The following MYOM1 variants were observed in gnomAD, a reference collection of about 807,000 sequenced individuals.
MYOM1 encodes the protein myomesin-1.
Under a neutral mutation model 205.3 loss-of-function variants are expected in MYOM1, and 164 were observed. The ratio of observed to expected loss-of-function variants is 0.80; its 90% confidence interval spans 0.70 to 0.91. The LOEUF (loss-of-function observed/expected upper bound fraction) is 0.91. Among genes scored for constraint, MYOM1 ranks in the 40% least tolerant of loss-of-function variants. The pLI is 0.00. For missense variants in MYOM1, 2,011 were observed against 2,127.3 expected (o/e 0.95, Z 1.08); for synonymous variants, 772 against 789.4 (o/e 0.98, Z 0.37).
intron 5 of MYOM1, among the ~76,000 whole-genome samples, chr18:3,181,081 C>T (rs2080723350): frequency 6.6e-6 from 1 of 152,098 alleles, no homozygotes; most frequent in Non-Finnish European, 1.5e-5. Flanking sequence ...AGCGTGCCAC[C>T]ACGTCCAGCT....
In MYOM1 at chr18:3,209,829, G is replaced by A. The variant is rs917227459; in HGVS notation, c.290+5105C>T. On this transcript the variant is annotated intron_variant, in intron 2 of 37. Coordinates refer to ENST00000356443, the MANE Select transcript of MYOM1 (RefSeq NM_003803.4). This position sits in a 1 kb window ranked among gnomAD's most constrained non-coding sequence, Gnocchi z 4.0. ...TCCCTGATCTCTCTTACCCTGCTCT[G>A]TTTCTTATTGTTTCTATAACATGTA... 1.3e-5 allele frequency among the ~76,000 whole-genome samples: 2 copies of A among 152,108 alleles called. No individual in the cohort carries two copies.
At chr18:3,191,257 A>G (rs1250007931) in intron 3 of MYOM1, among the ~76,000 whole-genome samples, 2 of 152,234 alleles carry the variant, frequency 1.3e-5, no homozygotes, top group African/African-American at 2.4e-5. Flanking sequence ...TTATTGGAAT[A>G]TAAGTGGAAA....
chr18:3,164,470 CT>C, intron 9 of MYOM1, 31 bp from the exon 10 acceptor site: 1 of 1,547,412 alleles, frequency 6.5e-7, no homozygotes, highest in Non-Finnish European at 8.7e-7. Flanking sequence ...AGCAAATTAA[CT>C]TATTTTTGTT....
chr18:3,114,720 C>A (rs1211470587), intron 21 of MYOM1, among the ~76,000 whole-genome samples: 1 of 151,738 alleles, frequency 6.6e-6, no homozygotes, highest in African/African-American at 2.4e-5. Flanking sequence ...TTGAATTTTT[C>A]ATTTAAATTG....
chr18:3,237,598 CAAAAAA>C, the MYOM1 span, among the ~76,000 whole-genome samples: 2 of 53,606 alleles, frequency 3.7e-5, no homozygotes, highest in African/African-American at 1.5e-4. Flanking sequence ...GACTCCGTCT[CAAAAAA>C]AAAAAAAAAA....
At chr18:3,085,313 A>ATG (rs1393069824) in intron 30 of MYOM1, among the ~76,000 whole-genome samples, 181 bp from the exon 31 acceptor site, 5 of 121,810 alleles carry the variant, frequency 4.1e-5, no homozygotes, top group African/African-American at 1.6e-4. Context: ...TGGAGTGCAG[A>ATG]TGTGTGATTA....
At chr18:3,187,028 G>A (rs1207857368) in intron 5 of MYOM1, among the ~76,000 whole-genome samples, 1 of 152,168 alleles carries the variant, frequency 6.6e-6, no homozygotes. Flanking sequence ...TGAGGCCTCA[G>A]CTCACATGAG....
Position 3,089,324 on chromosome 18 carries a change from T to C in MYOM1, c.4070-83A>G, listed in dbSNP as rs1040477700. ...GCTCACACTTAAGTCCTAAGGTGAT[T>C]TACATCTGAAGTCAGATTTTTAAAA... On this transcript the variant is annotated intron_variant, in intron 28 of 37. Coordinates refer to ENST00000356443, the MANE Select transcript of MYOM1 (RefSeq NM_003803.4). The C allele has an allele frequency of 1.4e-5, 15 of 1,109,720 alleles. No individual in the cohort carries two copies. The African/African-American group carries it at 2.2e-4, about 16-fold the overall frequency. 68.7% of individuals were successfully genotyped at this position (1,109,720 alleles called of 1,614,324 possible).
chr18:3,115,459 A>G (rs998911582), intron 21 of MYOM1, among the ~76,000 whole-genome samples: 1 of 152,158 alleles, frequency 6.6e-6, no homozygotes, highest in Non-Finnish European at 1.5e-5. Flanking sequence ...CTTTTTGGCC[A>G]GGTATACTTT....
the MYOM1 span, among the ~76,000 whole-genome samples, chr18:3,225,082 G>T: frequency 1.3e-5 from 2 of 152,128 alleles, no homozygotes; most frequent in Non-Finnish European, 2.9e-5. Flanking sequence ...CCACCTCCCG[G>T]GTTCACACCG....
chr18:3,160,315 G>A (rs1322234988), intron 10 of MYOM1, among the ~76,000 whole-genome samples: 1 of 152,062 alleles, frequency 6.6e-6, no homozygotes, highest in Non-Finnish European at 1.5e-5. Context: ...AGCCTCCTGA[G>A]TAGCTGGGAC....
chr18:3,154,866 T>G lies in MYOM1; in HGVS notation c.1643+81A>C, dbSNP rs1348832131. 3 of 1,459,376 alleles carry G rather than the reference T, an allele frequency of 2.1e-6. No individual in the cohort carries two copies. In the African/African-American group the frequency reaches 4.2e-5, roughly 21 times the overall value. 90.4% of individuals were successfully genotyped at this position (1,459,376 alleles called of 1,614,324 possible). On this transcript the variant is annotated intron_variant, in intron 11 of 37. Coordinates refer to ENST00000356443, the MANE Select transcript of MYOM1 (RefSeq NM_003803.4). The stretch of plus-strand genomic sequence containing the variant: ...AGAGGAAAGCCAGAAAAGAAAATAT[T>G]TCCACTAGAAATGATGGGAGAAATC...
rs2080513908 is a variant in MYOM1, at chr18:3,169,026, A to G, written c.1175-45T>C. 3.2e-6 allele frequency: 5 copies of G among 1,542,304 alleles called. No individual in the cohort carries two copies. The African/African-American group carries it at 5.5e-5, about 17-fold the overall frequency. On this transcript the variant is annotated intron_variant, in intron 8 of 37. Transcript: ENST00000356443. ...ATATCAGTAATTTTTTTCTTCATCA[A>G]AGAGACACAAGCATTTTAATAAGCA...
In MYOM1 at chr18:3,134,639, G is replaced by A. The variant is rs1298986113; in HGVS notation, c.2384+11C>T. 7 of 1,603,410 alleles carry A rather than the reference G, an allele frequency of 4.4e-6. No individual in the cohort carries two copies. Among genetic ancestry groups the A allele is most frequent in the African/African-American group, 1.3e-5 (1 of 74,718 alleles). ...AGGCCATTGCCCGCCCTGCACACCC[G>A]ACTGAGTTACCGTGAGCCCTTCACG... On this transcript the variant is annotated intron_variant, in intron 16 of 37. Coordinates refer to ENST00000356443, the MANE Select transcript of MYOM1 (RefSeq NM_003803.4).
chr18:3,136,285 G>A (rs570032765), intron 14 of MYOM1, among the ~76,000 whole-genome samples: 67 of 152,118 alleles, frequency 4.4e-4, no homozygotes, highest in African/African-American at 1.3e-3. Context: ...CTAATACAGC[G>A]TTGTATTGTT....
chr18:3,124,832 C>CA (rs1433227684), intron 19 of MYOM1, among the ~76,000 whole-genome samples: 1 of 152,012 alleles, frequency 6.6e-6, no homozygotes, highest in African/African-American at 2.4e-5. Flanking sequence ...CACAAAGGCA[C>CA]AAAAATCACT....
chr18:3,190,761 A>AT (rs1675427334), intron 3 of MYOM1, among the ~76,000 whole-genome samples: 1 of 152,348 alleles, frequency 6.6e-6, no homozygotes, highest in South Asian at 2.1e-4. Context: ...GGAAGTCAAT[A>AT]TGCAATAGGG....
At chr18:3,075,502 AG>A (rs770867699) in intron 35 of MYOM1, 26 bp from the exon 36 acceptor site, 37 of 1,410,736 alleles carry the variant, frequency 2.6e-5, no homozygotes, top group Non-Finnish European at 3.2e-5. Context: ...ACGAACAAAC[AG>A]ACGAAGAATT....
At chr18:3,213,815 C>T (rs1488072765) in intron 2 of MYOM1, among the ~76,000 whole-genome samples, 1 of 152,178 alleles carries the variant, frequency 6.6e-6, no homozygotes, top group East Asian at 1.9e-4. Context: ...GAGAAGCAAC[C>T]TCAATTCCCA....
Sources: allele counts gnomAD v4.1 joint callset (sites outside exome capture counted in the v4.1 genomes callset), GRCh38; gene constraint gnomAD v4.1.1; non-coding constraint Gnocchi (gnomAD v3.1); transcripts MANE v1.5; gene names NCBI Gene and HGNC (gene_info 2026-07-23, HGNC 2026-07-21).